CNTN5: variants seen among roughly 807,000 people sequenced by gnomAD.
CNTN5 encodes contactin-5.
In CNTN5, 77 loss-of-function variants were observed where a neutral mutation model predicts 129.1. That is an observed-to-expected ratio of 0.60 (90% CI 0.50 to 0.72). The LOEUF is 0.72. CNTN5 is among the 30% of genes least tolerant of loss of function. The pLI is 0.00. For missense variants in CNTN5, 1,478 were observed against 1,328.8 expected, an observed-to-expected ratio of 1.11 and a Z score of -1.75; for synonymous variants, 509 against 465.6, an observed-to-expected ratio of 1.09 and a Z score of -1.20.
intron 1 of CNTN5, among the ~76,000 whole-genome samples, chr11:99,222,614 G>T (rs115158510): frequency 2.0e-5 from 3 of 151,904 alleles, no homozygotes; most frequent in Non-Finnish European, 2.9e-5. Context: ...ATAAACCATT[G>T]CATTTTTCAT....
intron 3 of CNTN5, among the ~76,000 whole-genome samples, chr11:99,582,366 T>C (rs1949636088): frequency 6.6e-6 from 1 of 152,208 alleles, no homozygotes; most frequent in Non-Finnish European, 1.5e-5. Flanking sequence ...AATTTGAATG[T>C]TGGCCTGCCT....
intron 2 of CNTN5, among the ~76,000 whole-genome samples, chr11:99,402,959 T>C (rs1179745211): frequency 6.6e-6 from 1 of 152,146 alleles, no homozygotes; most frequent in Non-Finnish European, 1.5e-5. Flanking sequence ...TCTTTCCTTT[T>C]TTTTTTCTGT....
chr11:99,512,243 C>T (rs191311339), intron 2 of CNTN5, among the ~76,000 whole-genome samples: 4 of 152,236 alleles, frequency 2.6e-5, no homozygotes, highest in Middle Eastern at 3.4e-3. Flanking sequence ...TAGATACATG[C>T]GTAAGGTTAC....
intron 18 of CNTN5, among the ~76,000 whole-genome samples, chr11:100,282,014 T>C (rs1158983742): frequency 1.3e-5 from 2 of 151,104 alleles, no homozygotes; most frequent in African/African-American, 4.9e-5. Context: ...TTTTTTTTTT[T>C]TACTTTCCTC....
chr11:100,302,264 A>T (rs959105530), intron 20 of CNTN5, among the ~76,000 whole-genome samples: 3 of 151,604 alleles, frequency 2.0e-5, no homozygotes, highest in Non-Finnish European at 4.4e-5. Context: ...AACTTGTAAA[A>T]TAATATATTA....
At chr11:100,025,816 A>G (rs1008619872) in intron 9 of CNTN5, among the ~76,000 whole-genome samples, 4 of 152,174 alleles carry the variant, frequency 2.6e-5, no homozygotes, top group Non-Finnish European at 4.4e-5. Context: ...TTGTTTACCC[A>G]ATGCCTGTAT....
intron 3 of CNTN5, among the ~76,000 whole-genome samples, chr11:99,631,299 T>C (rs1233669204): frequency 2.6e-5 from 4 of 152,174 alleles, no homozygotes; most frequent in Admixed American, 2.0e-4. Flanking sequence ...ATAACTTTGA[T>C]GTGTTTCAGA....
intron 2 of CNTN5, among the ~76,000 whole-genome samples, chr11:99,531,678 G>A (rs549392871): frequency 1.3e-5 from 2 of 152,310 alleles, no homozygotes; most frequent in South Asian, 2.1e-4. Flanking sequence ...CGTTCCAGCC[G>A]TGGCTGAAAG....
intron 2 of CNTN5, among the ~76,000 whole-genome samples, chr11:99,482,386 C>T (rs1214306357): frequency 6.6e-6 from 1 of 152,130 alleles, no homozygotes; most frequent in African/African-American, 2.4e-5. Context: ...GTTAGCTTCT[C>T]AACTAGTATC....
At chr11:99,625,776 G>T (rs1221336973) in intron 3 of CNTN5, among the ~76,000 whole-genome samples, 3 of 151,356 alleles carry the variant, frequency 2.0e-5, no homozygotes, top group Non-Finnish European at 4.4e-5. Context: ...CAATTAAAAA[G>T]ATATTGATTG....
At chr11:99,899,400 T>C (rs1949294310) in intron 6 of CNTN5, among the ~76,000 whole-genome samples, 1 of 152,078 alleles carries the variant, frequency 6.6e-6, no homozygotes, top group East Asian at 1.9e-4. Context: ...GTATGTTCCA[T>C]CTATGCTAGT....
intron 2 of CNTN5, among the ~76,000 whole-genome samples, chr11:99,462,182 A>G (rs910052188): frequency 6.6e-5 from 10 of 152,156 alleles, no homozygotes; most frequent in African/African-American, 2.2e-4. Context: ...TATTAATTCT[A>G]CTAAACCACT....
intron 3 of CNTN5, among the ~76,000 whole-genome samples, chr11:99,714,665 A>G (rs971851711): frequency 3.9e-5 from 6 of 151,966 alleles, no homozygotes; most frequent in Non-Finnish European, 7.4e-5. Flanking sequence ...GTTACAGCGA[A>G]TAGCCTAAGG....
At chr11:100,294,991 A>T (rs1951072528) in intron 18 of CNTN5, among the ~76,000 whole-genome samples, 1 of 151,682 alleles carries the variant, frequency 6.6e-6, no homozygotes, top group Non-Finnish European at 1.5e-5. Flanking sequence ...TGTGCCCATG[A>T]CAACAAAACA....
intron 13 of CNTN5, among the ~76,000 whole-genome samples, chr11:100,190,867 T>G (rs984608603): frequency 6.6e-6 from 1 of 152,054 alleles, no homozygotes; most frequent in Non-Finnish European, 1.5e-5. Context: ...CTTCTGCAAG[T>G]TTTAAAATTA....
At chr11:99,812,478 G>T (rs998191239) in intron 3 of CNTN5, among the ~76,000 whole-genome samples, 3 of 151,990 alleles carry the variant, frequency 2.0e-5, no homozygotes, top group Non-Finnish European at 2.9e-5. Context: ...TATAGAAAAT[G>T]TATTGAGTTC....
Position 99,274,518 on chromosome 11 carries a change from A to T in CNTN5, c.-209-50828A>T, listed in dbSNP as rs547436234. Among the ~76,000 whole-genome samples the T allele has an allele frequency of 6.6e-5, 10 of 151,742 alleles. No individual in the cohort carries two copies. The South Asian group carries it at 2.1e-3, about 31-fold the overall frequency. ...GTGTACAATATAGTGTTTGATATAT[A>T]ATTAGTATCTTTTGTATTAATTCAA... On this transcript the variant is annotated intron_variant, in intron 1 of 24. Transcript: ENST00000524871.
rs1591399126 is a variant in CNTN5, at chr11:99,637,413, A to T, written c.55+81144A>T. Among the ~76,000 whole-genome samples, 3 of 152,208 alleles carry T rather than the reference A, an allele frequency of 2.0e-5. No homozygotes were observed. In the East Asian group the frequency reaches 5.8e-4, roughly 29 times the overall value. On this transcript the variant is annotated intron_variant, in intron 3 of 24. Transcript: ENST00000524871. The stretch of plus-strand genomic sequence containing the variant: ...TACTTGTATAAATTGAATAAACATA[A>T]GCAAACACATCACATGGCAATCATG...
intron 7 of CNTN5, among the ~76,000 whole-genome samples, chr11:99,917,132 T>C (rs371196177): frequency 4.3e-4 from 65 of 152,256 alleles, no homozygotes; most frequent in African/African-American, 1.5e-3. Context: ...ATCGAAAGTA[T>C]GCTGCATATC....
Sources: allele counts gnomAD v4.1 joint callset (sites outside exome capture counted in the v4.1 genomes callset), GRCh38; gene constraint gnomAD v4.1.1; transcripts MANE v1.5; gene names NCBI Gene and HGNC (gene_info 2026-07-23, HGNC 2026-07-21).